The following VPS39 variants were observed in gnomAD, a reference collection of about 807,000 sequenced individuals.
VPS39 encodes the protein vam6/Vps39-like protein.
VPS39 carries 70 observed loss-of-function variants against 121.0 expected under a neutral mutation model. The ratio of observed to expected loss-of-function variants is 0.58; its 90% CI spans 0.48 to 0.71. The LOEUF (loss-of-function observed/expected upper bound fraction) is 0.71, where lower values mean the gene tolerates loss of function less well. Among genes scored for constraint, VPS39 ranks in the 30% least tolerant of loss-of-function variants. The pLI, the probability that VPS39 is intolerant of heterozygous loss-of-function variation, is 0.00. For synonymous variants in VPS39, 378 were observed against 398.1 expected, an observed-to-expected ratio of 0.95 and a Z score of 0.60; for missense variants, 818 against 1,051.5, an observed-to-expected ratio of 0.78 and a Z score of 3.07.
At chr15:42,160,925 G>C (rs970107011) in intron 24 of VPS39, 96 bp from the exon 25 acceptor site, 1 of 1,312,294 alleles carries the variant, frequency 7.6e-7, no homozygotes, top group East Asian at 2.3e-5. Context: ...ATTGCTGGGG[G>C]GCCATTCCAA....
At chr15:42,194,017 G>A (rs1302771019) in intron 2 of VPS39, among the ~76,000 whole-genome samples, 1 of 152,110 alleles carries the variant, frequency 6.6e-6, no homozygotes, top group East Asian at 1.9e-4. Context: ...TCACACCCTA[G>A]CACACAGCAG....
intron 8 of VPS39, among the ~76,000 whole-genome samples, chr15:42,182,549 T>C (rs1336769134): frequency 6.6e-6 from 1 of 152,222 alleles, no homozygotes; most frequent in African/African-American, 2.4e-5. Flanking sequence ...CACGCTCTGA[T>C]GTTTCAGGCA....
intron 21 of VPS39, 83 bp from the exon 22 acceptor site, chr15:42,162,564 G>A: frequency 1.4e-6 from 2 of 1,447,700 alleles, no homozygotes; most frequent in Non-Finnish European, 1.8e-6. Flanking sequence ...AACGATTCGA[G>A]GGGCTCGCCT....
Position 42,160,840 on chromosome 15 carries a change from G to A in VPS39, c.2553-11C>T. The A allele has an allele frequency of 1.9e-6, 3 of 1,614,018 alleles. No individual in the cohort carries two copies. The highest frequency in any genetic ancestry group is 2.5e-6 in the Non-Finnish European group (3 of 1,179,898). On this transcript the variant is annotated splice_polypyrimidine_tract_variant and intron_variant, in intron 24 of 24. Transcript: ENST00000318006. ...TATCTTGCAAATGCACTGCAGGGAA[G>A]AAAATGGCTTGGGAGTGAGGACTGC...
intron 5 of VPS39, 55 bp downstream of exon 5, chr15:42,189,059 G>A (rs867707183): frequency 1.1e-5 from 14 of 1,276,788 alleles, no homozygotes; most frequent in Middle Eastern, 1.8e-4. Context: ...GAATGATGTA[G>A]GAAAGACTGT....
Position 42,203,864 on chromosome 15 carries a change from C to T in VPS39, c.74-3903G>A, listed in dbSNP as rs532932225. ...CAGAGGATGACAAGCCTGCAGAGCA[C>T]GCGCAGCATGGGATGGACAGTGCCT... On this transcript the variant is annotated intron_variant, in intron 1 of 24. Transcript: ENST00000318006. Among the ~76,000 whole-genome samples, 36 of 152,294 alleles carry T rather than the reference C, an allele frequency of 2.4e-4. 1 individual carries two copies. In the South Asian group the frequency reaches 7.0e-3, roughly 30 times the overall value.
rs2049086191 is a variant in VPS39 at position 42,159,486 on chromosome 15, C to T, written c.*1268G>A. 1 of 152,294 alleles carries T rather than the reference C, an allele frequency of 6.6e-6. No homozygotes were observed. Among genetic ancestry groups the T allele is most frequent in the African/African-American group, 2.4e-5 (1 of 41,438 alleles). The allele number at this position is 152,294 out of a possible 1,614,324, so 9.4% of individuals were successfully genotyped here. A position where few individuals can be genotyped will look rare whatever the true frequency, so the allele number is the denominator to read the frequency against. ...AGCCTGCAGTGCCTGAAACTCCAGCCTGTGCACCTCTGGCAGGATGCCCCA... is the reference window on the plus strand; with the variant it reads ...AGCCTGCAGTGCCTGAAACTCCAGCTTGTGCACCTCTGGCAGGATGCCCCA... On this transcript the variant is annotated 3_prime_UTR_variant, in exon 25 of 25. Coordinates refer to ENST00000318006, the MANE Select transcript of VPS39 (RefSeq NM_015289.5).
At chr15:42,199,193 GA>G (rs1474513492) in intron 2 of VPS39, among the ~76,000 whole-genome samples, 1 of 152,170 alleles carries the variant, frequency 6.6e-6, no homozygotes. Context: ...AGAGAGCACA[GA>G]AACGAAAACA....
At chr15:42,189,265 A>G in intron 4 of VPS39, 57 bp from the exon 5 acceptor site, 3 of 1,416,652 alleles carry the variant, frequency 2.1e-6, no homozygotes, top group Non-Finnish European at 3.0e-6. Context: ...TAGCATAGCC[A>G]CTATCGAGGC....
intron 12 of VPS39, among the ~76,000 whole-genome samples, chr15:42,169,027 T>C (rs757797447): frequency 5.3e-5 from 8 of 152,230 alleles, no homozygotes; most frequent in Non-Finnish European, 1.2e-4. Context: ...ATGCTGGCTT[T>C]AGTGCTGACT....
At position 42,166,219 on chromosome 15, in the gene VPS39, C is replaced by T. The variant is rs1335044794; in HGVS notation, c.1620G>A (p.Leu540=). Residue 540 remains leucine (L), a synonymous_variant, in exon 16 of 25, where the codon CTG becomes CTA. Coordinates refer to ENST00000318006, the MANE Select transcript of VPS39 (RefSeq NM_015289.5). ...ACACTGAGTAGGAGAAAATCAAATG[C>T]AGGTTTTCTGTGCCTAGAAGGAAAA... ...QYLQHLGTEN[L]HLIFSYSVWV... The T allele has an allele frequency of 6.2e-7, 1 of 1,614,066 alleles. No individual in the cohort carries two copies.
At chr15:42,167,013 C>T in intron 13 of VPS39, 100 bp from the exon 14 acceptor site, 1 of 1,527,062 alleles carries the variant, frequency 6.5e-7, no homozygotes, top group Non-Finnish European at 8.8e-7. Flanking sequence ...GAATGTAGCA[C>T]AAGCAAGAGA....
rs1416713960 is a variant in VPS39 at position 42,163,633 on chromosome 15, C to A, written c.2122G>T (p.Ala708Ser). ...ATGTTGGGGCAAACTTACTCCTCAG[C>A]CATCCTTGTATCCTTCAAGATGTGG... is the stretch of plus-strand genomic sequence containing the variant. ...YVHILKDTRM[A>S]EEYCHKHYDR... The change falls in exon 20 of 25, where the codon GCT becomes TCT. Residue 708 changes from alanine to serine, a missense_variant. Ala to Ser is a moderately conservative substitution (Grantham distance 99). Coordinates refer to ENST00000318006, the MANE Select transcript of VPS39 (RefSeq NM_015289.5). 4 of 1,613,168 alleles carry A rather than the reference C, an allele frequency of 2.5e-6. No homozygotes were observed. Among genetic ancestry groups the A allele is most frequent in the African/African-American group, 2.7e-5 (2 of 74,890 alleles).
chr15:42,167,544 A>C lies in VPS39; in HGVS notation c.1234-7T>G. On this transcript the variant is annotated splice_polypyrimidine_tract_variant and splice_region_variant and intron_variant, in intron 12 of 24. Transcript: ENST00000318006. ...TTACCAATTGACTTCGTTTCTGCAA[A>C]GGTCAAAATGTGGGGTTAAGGCCAG... The C allele has an allele frequency of 1.2e-6, 2 of 1,614,016 alleles. No individual in the cohort carries two copies. The highest frequency in any genetic ancestry group is 2.2e-5 in the South Asian group (2 of 91,066).
intron 7 of VPS39, 118 bp from the exon 8 acceptor site, chr15:42,184,818 A>C: frequency 1.0e-6 from 1 of 980,234 alleles, no homozygotes. Context: ...GTTTGACATA[A>C]GAAAATGTTA....
At chr15:42,175,583 G>C (rs2049436654) in intron 10 of VPS39, among the ~76,000 whole-genome samples, 1 of 151,948 alleles carries the variant, frequency 6.6e-6, no homozygotes, top group Non-Finnish European at 1.5e-5. Context: ...ATCAAATTTA[G>C]TTTTTTCTTT....
At chr15:42,181,569 A>G (rs958275113) in intron 8 of VPS39, among the ~76,000 whole-genome samples, 1 of 152,280 alleles carries the variant, frequency 6.6e-6, no homozygotes, top group South Asian at 2.1e-4. Context: ...ACATTTAAAA[A>G]TAAAAATGTT....
chr15:42,200,516 C>T (rs985926246), intron 1 of VPS39, among the ~76,000 whole-genome samples: 1 of 152,138 alleles, frequency 6.6e-6, no homozygotes, highest in African/African-American at 2.4e-5. Flanking sequence ...TTACAGAATT[C>T]ATTATCTCAA....
intron 2 of VPS39, among the ~76,000 whole-genome samples, chr15:42,194,957 A>C (rs1021347504): frequency 6.6e-6 from 1 of 151,974 alleles, no homozygotes; most frequent in Non-Finnish European, 1.5e-5. Flanking sequence ...AAAACAAAAA[A>C]CGAAATGTTT....
Sources: gnomAD v4.1 joint callset for allele counts (sites outside exome capture counted in the v4.1 genomes callset) on GRCh38, gnomAD v4.1.1 for gene constraint, MANE v1.5 for transcripts, NCBI Gene and HGNC (gene_info 2026-07-23, HGNC 2026-07-21) for gene names.